Variants in RERE observed in about 807,000 individuals in gnomAD.
RERE encodes the protein arginine-glutamic acid dipeptide repeats protein.
In RERE, 40 loss-of-function variants were observed where a neutral mutation model predicts 146.1. That is an observed-to-expected ratio of 0.27 (90% CI 0.21 to 0.36). The LOEUF (loss-of-function observed/expected upper bound fraction) is 0.36. Ranked by LOEUF, RERE falls within the 10% of genes least tolerant of loss-of-function variation. RERE has a pLI of 1.00. For synonymous variants in RERE, 1,003 were observed against 866.0 expected, an observed-to-expected ratio of 1.16 and a Z score of -2.78; for missense variants, 1,933 against 2,138.7, an observed-to-expected ratio of 0.90 and a Z score of 1.90.
At chr1:8,460,318 C>G (rs1391899253) in intron 11 of RERE, among the ~76,000 whole-genome samples, 2 of 152,126 alleles carry the variant, frequency 1.3e-5, no homozygotes, top group East Asian at 3.8e-4. Flanking sequence ...GGAAAGACAC[C>G]CTGCAAATAG....
intron 1 of RERE, among the ~76,000 whole-genome samples, chr1:8,709,441 A>C (rs1210918177): frequency 2.0e-5 from 3 of 152,068 alleles, no homozygotes; most frequent in African/African-American, 7.2e-5. Context: ...TTTTTAGAGT[A>C]TATGGTCCTA....
At chr1:8,493,513 C>T (rs753585957) in intron 10 of RERE, among the ~76,000 whole-genome samples, 6 of 152,256 alleles carry the variant, frequency 3.9e-5, no homozygotes, top group Admixed American at 2.0e-4. Flanking sequence ...AGCCATATCA[C>T]GCAGATATCT....
chr1:8,622,255 A>G (rs1646924497), intron 3 of RERE, among the ~76,000 whole-genome samples: 1 of 152,190 alleles, frequency 6.6e-6, no homozygotes, highest in Non-Finnish European at 1.5e-5. Flanking sequence ...GGCACCTGCT[A>G]ATGTGCAAAA....
At chr1:8,770,301 T>G (rs982822789) in intron 1 of RERE, among the ~76,000 whole-genome samples, 4 of 152,182 alleles carry the variant, frequency 2.6e-5, no homozygotes, top group East Asian at 3.8e-4. Flanking sequence ...GAATGGGTAC[T>G]TATTTAAAAA....
intron 12 of RERE, among the ~76,000 whole-genome samples, chr1:8,372,543 T>TGTGTGTGTGTGTGTGTGTGTGTGTGTGTG (rs6143112): frequency 6.6e-5 from 10 of 150,716 alleles, no homozygotes; most frequent in East Asian, 3.9e-4. Context: ...TGTGTGTGTG[T>TGTGTGTGTGTGTGTGTGTGTGTGTGTGTG]TTTAAATTAA....
intron 1 of RERE, among the ~76,000 whole-genome samples, chr1:8,789,301 A>AAAAAAAAAAATATATATATATATATATAT: frequency 4.0e-5 from 1 of 24,814 alleles, no homozygotes; most frequent in Non-Finnish European, 6.5e-5. Flanking sequence ...AAAAAAAAAA[A>AAAAAAAAAAATATATATATATATATATAT]ATATATATAT....
intron 4 of RERE, among the ~76,000 whole-genome samples, chr1:8,571,105 A>G (rs1226703606): frequency 1.3e-5 from 2 of 152,352 alleles, no homozygotes; most frequent in Non-Finnish European, 2.9e-5. Flanking sequence ...TGAAGCTGAA[A>G]GCATGCAGAA....
intron 1 of RERE, among the ~76,000 whole-genome samples, chr1:8,766,494 C>G (rs1477815810): frequency 6.7e-6 from 1 of 148,174 alleles, no homozygotes; most frequent in Non-Finnish European, 1.5e-5. Context: ...CAGCCAAGAG[C>G]CAAGATTACA....
At chr1:8,388,420 C>T (rs977755614) in intron 12 of RERE, among the ~76,000 whole-genome samples, 14 of 152,010 alleles carry the variant, frequency 9.2e-5, no homozygotes, top group African/African-American at 3.4e-4. Context: ...CCCGGGTTCA[C>T]GCCATTCTCC....
At chr1:8,531,185 G>T (rs1403993179) in intron 7 of RERE, among the ~76,000 whole-genome samples, 1 of 152,002 alleles carries the variant, frequency 6.6e-6, no homozygotes, top group Non-Finnish European at 1.5e-5. Flanking sequence ...ATGGGCCCGG[G>T]GGCTCACAAA....
chr1:8,794,205 G>A (rs1200939363), intron 1 of RERE, among the ~76,000 whole-genome samples: 2 of 151,338 alleles, frequency 1.3e-5, no homozygotes, highest in East Asian at 3.9e-4. Context: ...AGAACATCCT[G>A]GCTAACACAT....
chr1:8,690,809 T>C (rs561799722), intron 1 of RERE, among the ~76,000 whole-genome samples: 61 of 152,330 alleles, frequency 4.0e-4, no homozygotes, highest in African/African-American at 1.2e-3. Context: ...AAACCATGAA[T>C]GAGCTGCTAC....
Position 8,353,143 on chromosome 1 carries a change from G to A in RERE, c.*1944C>T, listed in dbSNP as rs992426588. The A allele has an allele frequency of 3.3e-5, 5 of 152,544 alleles. No individual in the cohort carries two copies. The highest frequency in any genetic ancestry group is 3.3e-4 in the Admixed American group (5 of 15,286). 9.4% of individuals were successfully genotyped at this position (152,544 alleles called of 1,614,324 possible). ...TGCCTTCAAGCCAATGTGGCCTGAA[G>A]TCCCACGACAAAAGGTTCATGTCAG... On this transcript the variant is annotated 3_prime_UTR_variant, in exon 23 of 23. Transcript: ENST00000400908.
rs188273746 is a variant in RERE, at chr1:8,535,392, A to C, written c.830+5822T>G. ...CCATGGTAATAATATTTTCATTGTT[A>C]ATTTCCTGATTTTGAGGGCTGTATT... On this transcript the variant is annotated intron_variant, in intron 7 of 22. Transcript: ENST00000400908. Among the ~76,000 whole-genome samples, 12 of 152,288 alleles carry C rather than the reference A, an allele frequency of 7.9e-5. No homozygotes were observed. The East Asian group carries it at 2.3e-3, about 29-fold the overall frequency.
rs1644561002 is a variant in RERE at position 8,463,944 on chromosome 1, T to A, written c.1203+1981A>T. Among the ~76,000 whole-genome samples the A allele has an allele frequency of 1.3e-5, 2 of 152,212 alleles. 1 individual carries two copies. Among genetic ancestry groups the A allele is most frequent in the South Asian group, 4.1e-4 (2 of 4,832 alleles). ...CTATACACTTGTTCCATCCTTTTCA[T>A]CTCCTTATGTGTTTCTTCCACACAG... On this transcript the variant is annotated intron_variant, in intron 11 of 22. Coordinates refer to ENST00000400908, the MANE Select transcript of RERE (RefSeq NM_001042681.2).
intron 1 of RERE, among the ~76,000 whole-genome samples, chr1:8,768,771 C>T (rs1640893188): frequency 6.6e-6 from 1 of 152,132 alleles, no homozygotes; most frequent in Admixed American, 6.5e-5. Flanking sequence ...CCCTGAAGAG[C>T]CTTTGGTTCT....
intron 1 of RERE, chr1:8,806,729 G>C (rs1326441312): frequency 1.3e-5 from 2 of 152,166 alleles, no homozygotes; most frequent in African/African-American, 4.8e-5. Flanking sequence ...TTGCAAGCCA[G>C]TATCAATGCA....
chr1:8,486,764 A>AG (rs1056673548), intron 10 of RERE, among the ~76,000 whole-genome samples: 24 of 150,560 alleles, frequency 1.6e-4, no homozygotes, highest in Non-Finnish European at 3.1e-4. Flanking sequence ...TTAAAAAAAA[A>AG]AAAAAAAAGA....
chr1:8,757,929 C>CATACACACACACAT (rs1640676624), intron 1 of RERE, among the ~76,000 whole-genome samples: 1 of 151,684 alleles, frequency 6.6e-6, no homozygotes, highest in Non-Finnish European at 1.5e-5. Flanking sequence ...CACACACACA[C>CATACACACACACAT]ATATATATGC....
Sources: allele counts gnomAD v4.1 joint callset (sites outside exome capture counted in the v4.1 genomes callset), GRCh38; gene constraint gnomAD v4.1.1; transcripts MANE v1.5; gene names NCBI Gene and HGNC (gene_info 2026-07-23, HGNC 2026-07-21).